RALGAPB: variants seen among roughly 807,000 people sequenced by gnomAD.
The protein encoded by RALGAPB is ral GTPase-activating protein subunit beta.
RALGAPB carries 25 observed loss-of-function variants against 161.1 expected under a neutral mutation model. The observed-to-expected ratio is 0.16, with a 90% CI of 0.11 to 0.22. RALGAPB has a LOEUF of 0.22. RALGAPB is among the 10% of genes least tolerant of loss of function. The pLI is 1.00. For missense variants in RALGAPB, 1,391 were observed against 1,815.2 expected, an observed-to-expected ratio of 0.77 and a Z score of 4.25; for synonymous variants, 629 against 626.1, an observed-to-expected ratio of 1.00 and a Z score of -0.07.
chr20:38,531,142 A>C (rs2123185606), intron 13 of RALGAPB, 25 bp from the exon 14 acceptor site: 1 of 1,553,768 alleles, frequency 6.4e-7, no homozygotes, highest in African/African-American at 1.4e-5. Context: ...ATTTTATATA[A>C]AATACTGTTT....
intron 18 of RALGAPB, among the ~76,000 whole-genome samples, chr20:38,541,608 C>G (rs2086969675): frequency 6.6e-6 from 1 of 152,066 alleles, no homozygotes; most frequent in Admixed American, 6.6e-5. Flanking sequence ...TTCATTCAAC[C>G]AAGATTTATG....
In RALGAPB at chr20:38,572,887, T is replaced by C. The variant is rs114143823; in HGVS notation, c.4143-1263T>C. Reference sequence around the variant, plus strand: ...ATTTTTACTAAAATATTCTTCACAATTGGTAAAGAATTCACTCCAGGACTA... The same window carrying C: ...ATTTTTACTAAAATATTCTTCACAACTGGTAAAGAATTCACTCCAGGACTA... On this transcript the variant is annotated intron_variant, in intron 28 of 29. Coordinates refer to ENST00000262879, the MANE Select transcript of RALGAPB (RefSeq NM_020336.4). Among the ~76,000 whole-genome samples the C allele has an allele frequency of 9.5e-3, 1,447 of 152,292 alleles. 24 individuals carry two copies. Among genetic ancestry groups the C allele is most frequent in the African/African-American group, 0.033 (1,365 of 41,566 alleles).
Position 38,539,924 on chromosome 20 carries a change from G to C in RALGAPB, c.2528G>C (p.Trp843Ser). The change falls in exon 17 of 30, where the codon TGG becomes TCG. Residue 843 changes from tryptophan to serine, a missense_variant. Trp to Ser is a radical substitution (Grantham distance 177). Around this residue, in one of 3 missense-constraint regions of RALGAPB, gnomAD observed 946 missense variants for 1,257.2 expected, o/e 0.75. Coordinates refer to ENST00000262879, the MANE Select transcript of RALGAPB (RefSeq NM_020336.4). ...GCAGCTTTTCAGTGTCTCTGTGTCT[G>C]GCTGACAGAGCACCCTGATATGCTT... is the stretch of plus-strand genomic sequence containing the variant. Reference protein sequence around the residue: ...IVAAFQCLCVWLTEHPDMLDE... With the variant: ...IVAAFQCLCVSLTEHPDMLDE... The C allele has an allele frequency of 6.2e-6, 10 of 1,613,870 alleles. No homozygotes were observed. Among genetic ancestry groups the C allele is most frequent in the Non-Finnish European group, 8.5e-6 (10 of 1,179,886 alleles).
rs760219109 is a variant in RALGAPB, at chr20:38,558,267, A to AATTTT, written c.3373-25_3373-24insTTATT. On this transcript the variant is annotated intron_variant, in intron 22 of 29. Transcript: ENST00000262879. ...ATAACAATGAAAGAAAATAGGTAAT[A>AATTTT]ATTGCTCCTTTCTTCTTTTGGTGGC... 2.7e-6 allele frequency: 4 copies of AATTTT among 1,472,492 alleles called. No homozygotes were observed. In the East Asian group the frequency reaches 9.7e-5, roughly 36 times the overall value. The allele number at this position is 1,472,492 out of a possible 1,614,324, so 91.2% of individuals were successfully genotyped here.
intron 23 of RALGAPB, 118 bp from the exon 24 acceptor site, chr20:38,562,414 A>T: frequency 2.3e-6 from 2 of 883,608 alleles, no homozygotes; most frequent in East Asian, 5.6e-5. Context: ...CCTCAAATTT[A>T]TTCTGAGCTT....
intron 6 of RALGAPB, among the ~76,000 whole-genome samples, chr20:38,513,437 A>T (rs2086029690): frequency 8.2e-6 from 1 of 122,218 alleles, no homozygotes; most frequent in Non-Finnish European, 1.6e-5. Flanking sequence ...CGGGAAGCAG[A>T]GGTTGCACTC....
chr20:38,539,332 C>T (rs569721496), intron 16 of RALGAPB, among the ~76,000 whole-genome samples: 1 of 152,274 alleles, frequency 6.6e-6, no homozygotes, highest in South Asian at 2.1e-4. Flanking sequence ...TGATAGTTCA[C>T]AGGTGCATAC....
chr20:38,493,261 T>C, intron 3 of RALGAPB, 129 bp downstream of exon 3: 3 of 734,782 alleles, frequency 4.1e-6, no homozygotes, highest in Non-Finnish European at 6.6e-6. Context: ...CAGTTAAAGA[T>C]TGTATTAATG....
intron 10 of RALGAPB, 55 bp downstream of exon 10, chr20:38,521,753 T>G: frequency 1.3e-6 from 2 of 1,581,230 alleles, no homozygotes; most frequent in Non-Finnish European, 1.7e-6. Context: ...GTGAAGCCAT[T>G]GTTGGTTGGC....
In RALGAPB at chr20:38,575,171, A is replaced by G. The variant is rs2088392127; in HGVS notation, c.*204A>G. 1 of 527,692 alleles carries G rather than the reference A, an allele frequency of 1.9e-6. No individual in the cohort carries two copies. The highest frequency in any genetic ancestry group is 3.5e-5 in the Admixed American group (1 of 28,490). The allele number at this position is 527,692 out of a possible 1,614,324, so 32.7% of individuals were successfully genotyped here. ...GAAATGGGCTCCCAGACACAATCAC[A>G]CTCCTGCTGATAATGATGATATACA... On this transcript the variant is annotated 3_prime_UTR_variant, in exon 30 of 30. Transcript: ENST00000262879.
rs544626321 is a variant in RALGAPB, at chr20:38,505,447, G to A, written c.741-3630G>A. On this transcript the variant is annotated intron_variant, in intron 5 of 29. Coordinates refer to ENST00000262879, the MANE Select transcript of RALGAPB (RefSeq NM_020336.4). The stretch of plus-strand genomic sequence containing the variant: ...GACTGCTGGTGGGGGAAGAGGAGCA[G>A]TGTTGAAAAGTCCAGATGATGGGAT... Among the ~76,000 whole-genome samples, 13 of 152,300 alleles carry A rather than the reference G, an allele frequency of 8.5e-5. No homozygotes were observed. In the East Asian group the frequency reaches 2.3e-3, roughly 27 times the overall value.
intron 5 of RALGAPB, among the ~76,000 whole-genome samples, chr20:38,501,591 T>G (rs2085597092): frequency 6.6e-6 from 1 of 152,028 alleles, no homozygotes; most frequent in Admixed American, 6.6e-5. Flanking sequence ...TTAGTAGAGG[T>G]GGGGGTTTCA....
chr20:38,523,422 A>G (rs1394659874), intron 10 of RALGAPB, among the ~76,000 whole-genome samples: 2 of 152,186 alleles, frequency 1.3e-5, no homozygotes, highest in Admixed American at 6.5e-5. Context: ...GGCTATCACC[A>G]TGAACTTTCT....
chr20:38,562,719 A>C, intron 24 of RALGAPB, 22 bp downstream of exon 24: 1 of 1,564,574 alleles, frequency 6.4e-7, no homozygotes, highest in South Asian at 1.2e-5. Flanking sequence ...AGTGTTTCAA[A>C]TGTCAGTTGT....
intron 6 of RALGAPB, among the ~76,000 whole-genome samples, chr20:38,510,566 G>T (rs1240395374): frequency 6.6e-6 from 1 of 152,164 alleles, no homozygotes; most frequent in Non-Finnish European, 1.5e-5. Context: ...GGTTTGGATT[G>T]TGTATTATTT....
intron 10 of RALGAPB, 142 bp downstream of exon 10, chr20:38,521,840 T>G: frequency 2.3e-6 from 2 of 886,012 alleles, no homozygotes; most frequent in Non-Finnish European, 3.4e-6. Flanking sequence ...CTGAAATCTT[T>G]CATTTTACCT....
At chr20:38,530,786 G>A (rs1328178258) in intron 13 of RALGAPB, among the ~76,000 whole-genome samples, 1 of 151,394 alleles carries the variant, frequency 6.6e-6, no homozygotes, top group Non-Finnish European at 1.5e-5. Context: ...TAGTAGAGAT[G>A]GGGTTTCACC....
In RALGAPB at chr20:38,499,221, G is replaced by A. The variant is rs6026108; in HGVS notation, c.554-226G>A. On this transcript the variant is annotated intron_variant, in intron 4 of 29. Coordinates refer to ENST00000262879, the MANE Select transcript of RALGAPB (RefSeq NM_020336.4). ...AGGCCTTCAATAAGAACTGAACAGG[G>A]CAACTTGAAATCTTTCAAAGTAAAA... 2.2e-4 allele frequency among the ~76,000 whole-genome samples: 34 copies of A among 152,194 alleles called. 2 individuals are homozygous for A. Among genetic ancestry groups the A allele is most frequent in the African/African-American group, 7.7e-4 (32 of 41,530 alleles).
At chr20:38,555,382 TG>T (rs2087544358) in intron 22 of RALGAPB, among the ~76,000 whole-genome samples, 1 of 152,248 alleles carries the variant, frequency 6.6e-6, no homozygotes, top group African/African-American at 2.4e-5. Flanking sequence ...AAATTTTTTT[TG>T]TATTTTTGTA....
Sources: allele counts gnomAD v4.1 joint callset (sites outside exome capture counted in the v4.1 genomes callset), GRCh38; gene constraint gnomAD v4.1.1; regional missense constraint gnomAD v4.1.1; transcripts MANE v1.5; gene names NCBI Gene and HGNC (gene_info 2026-07-23, HGNC 2026-07-21).